The following FHIT variants were observed in gnomAD, a reference collection of about 807,000 sequenced individuals.
The protein encoded by FHIT is fragile histidine triad diadenosine triphosphatase.
Under a neutral mutation model 17.9 loss-of-function variants are expected in FHIT, and 19 were observed. The observed-to-expected ratio is 1.06, with a 90% confidence interval of 0.74 to 1.56. FHIT has a LOEUF of 1.56. FHIT is among the 40% of genes most tolerant of loss of function. The probability of loss-of-function intolerance (pLI) is 0.00; values close to 1 mark genes in which losing one functional copy is unlikely to be tolerated. For missense variants in FHIT, 248 were observed against 189.2 expected, an observed-to-expected ratio of 1.31 and a Z score of -1.82; for synonymous variants, 81 against 69.7, an observed-to-expected ratio of 1.16 and a Z score of -0.81.
intron 8 of FHIT, among the ~76,000 whole-genome samples, chr3:59,797,907 G>A (rs1409437686): frequency 6.6e-6 from 1 of 152,202 alleles, no homozygotes; most frequent in Non-Finnish European, 1.5e-5. Flanking sequence ...TACATTTGCT[G>A]TGATGAGGTA....
intron 2 of FHIT, among the ~76,000 whole-genome samples, chr3:61,097,206 G>A (rs1000384416): frequency 3.3e-5 from 5 of 152,106 alleles, no homozygotes; most frequent in African/African-American, 4.8e-5. Flanking sequence ...CTGAGGTATC[G>A]GGTTCATCTC....
chr3:60,576,991 A>C (rs1576912637), intron 4 of FHIT, among the ~76,000 whole-genome samples: 1 of 138,980 alleles, frequency 7.2e-6, no homozygotes, highest in Non-Finnish European at 1.6e-5. Context: ...GGTCTCATCC[A>C]GTGATATAGA....
chr3:60,659,887 G>A (rs1553690613), intron 4 of FHIT, among the ~76,000 whole-genome samples: 1 of 152,108 alleles, frequency 6.6e-6, no homozygotes, highest in Admixed American at 6.6e-5. Flanking sequence ...ATAAAATAAT[G>A]TGATAACTGT....
chr3:61,191,264 C>T (rs1045538689), intron 2 of FHIT, among the ~76,000 whole-genome samples: 3 of 152,054 alleles, frequency 2.0e-5, no homozygotes, highest in African/African-American at 7.2e-5. Context: ...GGCCATCACC[C>T]AGTTTGTTGA....
intron 5 of FHIT, among the ~76,000 whole-genome samples, chr3:60,176,540 G>T (rs1396402804): frequency 6.6e-6 from 1 of 152,190 alleles, no homozygotes; most frequent in Admixed American, 6.5e-5. Context: ...AAGGCTGTGT[G>T]ATATATAAAC....
chr3:59,823,893 A>C (rs185982932), intron 8 of FHIT, among the ~76,000 whole-genome samples: 25 of 152,348 alleles, frequency 1.6e-4, no homozygotes, highest in Non-Finnish European at 3.1e-4. Context: ...AAATCGGTAA[A>C]GAGGAAGTCA....
At position 59,752,310 on chromosome 3, in the gene FHIT, A is replaced by G. The variant is rs1407364048; in HGVS notation, c.360T>C (p.His120=). Residue 120 remains histidine (H), a synonymous_variant, in exon 9 of 10, where the codon CAT becomes CAC. Coordinates refer to ENST00000492590, the MANE Select transcript of FHIT (RefSeq NM_002012.4). The part of the protein sequence containing the change: ...NDSIYEELQK[H]DKEDFPASWR... ...AAGAGGCAGGAAAGTCCTCCTTGTC[A>G]TGTTTCTGGAGCTTTGGAGAAAAAA... 1 of 1,610,586 alleles carries G rather than the reference A, an allele frequency of 6.2e-7. No homozygotes were observed. Among genetic ancestry groups the G allele is most frequent in the Admixed American group, 1.7e-5 (1 of 59,754 alleles).
intron 3 of FHIT, among the ~76,000 whole-genome samples, chr3:60,950,774 C>T (rs1708846015): frequency 6.6e-6 from 1 of 151,814 alleles, no homozygotes; most frequent in South Asian, 2.1e-4. Flanking sequence ...CCACCCGCCT[C>T]GGCCTTCCAA....
rs146425922 is a variant in FHIT at position 61,114,617 on chromosome 3, T to C, written c.-163-72518A>G. Among the ~76,000 whole-genome samples the C allele has an allele frequency of 3.3e-5, 5 of 152,256 alleles. No homozygotes were observed. The East Asian group carries it at 9.7e-4, about 29-fold the overall frequency. On this transcript the variant is annotated intron_variant, in intron 2 of 9. Transcript: ENST00000492590. Reference sequence around the variant, plus strand: ...TTCATCAGCTTCCTCCTAATTATTATTTAGTCAGCTGTGAGTAAAAAGAAC... The same window carrying C: ...TTCATCAGCTTCCTCCTAATTATTACTTAGTCAGCTGTGAGTAAAAAGAAC...
chr3:60,785,895 AG>A (rs879975906), intron 4 of FHIT, among the ~76,000 whole-genome samples: 56,306 of 137,348 alleles, frequency 0.41, 11,136 homozygotes, highest in African/African-American at 0.47. Context: ...AACAAACAGA[AG>A]ACACACACAC....
chr3:61,113,210 G>A (rs368681873), intron 2 of FHIT, among the ~76,000 whole-genome samples: 1 of 151,812 alleles, frequency 6.6e-6, no homozygotes, highest in African/African-American at 2.4e-5. Context: ...GGGTCTCACT[G>A]TGTTGCCCAG....
intron 8 of FHIT, among the ~76,000 whole-genome samples, chr3:59,836,558 AAAG>A (rs1281404382): frequency 6.6e-6 from 1 of 152,174 alleles, no homozygotes; most frequent in East Asian, 1.9e-4. Flanking sequence ...GCCTTCTGCC[AAAG>A]AAGTCCCTGA....
intron 7 of FHIT, among the ~76,000 whole-genome samples, chr3:59,944,330 A>AGAAT (rs1706687138): frequency 6.6e-6 from 1 of 152,142 alleles, no homozygotes; most frequent in Admixed American, 6.5e-5. Context: ...CTCAAGATAC[A>AGAAT]GAATGAATCC....
chr3:60,607,401 G>A (rs1334490468), intron 4 of FHIT, among the ~76,000 whole-genome samples: 1 of 151,612 alleles, frequency 6.6e-6, no homozygotes, highest in African/African-American at 2.4e-5. Flanking sequence ...TTGGCAAATG[G>A]TAGAATTCTT....
chr3:60,982,746 C>T (rs1156784522), intron 3 of FHIT, among the ~76,000 whole-genome samples: 1 of 152,178 alleles, frequency 6.6e-6, no homozygotes, highest in Non-Finnish European at 1.5e-5. Context: ...CTATTCACTG[C>T]TTATTGTCTT....
chr3:60,472,333 C>T (rs971933522), intron 5 of FHIT, among the ~76,000 whole-genome samples: 2 of 151,914 alleles, frequency 1.3e-5, no homozygotes, highest in African/African-American at 4.8e-5. Flanking sequence ...AAACTACATG[C>T]CCACCTTCAT....
intron 5 of FHIT, among the ~76,000 whole-genome samples, chr3:60,483,838 C>A (rs2033722170): frequency 6.6e-6 from 1 of 152,034 alleles, no homozygotes; most frequent in Non-Finnish European, 1.5e-5. Context: ...GGCAATCAGG[C>A]AAGAGAAAGA....
At chr3:60,591,578 T>C (rs766132652) in intron 4 of FHIT, among the ~76,000 whole-genome samples, 3 of 151,980 alleles carry the variant, frequency 2.0e-5, no homozygotes, top group Non-Finnish European at 2.9e-5. Context: ...TGAATCCTTA[T>C]AGGAAAACAA....
intron 5 of FHIT, among the ~76,000 whole-genome samples, chr3:60,202,591 A>G (rs956680177): frequency 3.3e-5 from 5 of 152,180 alleles, no homozygotes; most frequent in African/African-American, 1.2e-4. Context: ...AAAGGATGCT[A>G]TAAAGTTACA....
Sources: allele counts gnomAD v4.1 joint callset (sites outside exome capture counted in the v4.1 genomes callset), GRCh38; gene constraint gnomAD v4.1.1; transcripts MANE v1.5; gene names NCBI Gene and HGNC (gene_info 2026-07-23, HGNC 2026-07-21).